The following PPP2R5D variants were observed in gnomAD, a reference collection of about 807,000 sequenced individuals.
PPP2R5D encodes the protein serine/threonine-protein phosphatase 2A 56 kDa regulatory subunit delta isoform.
In PPP2R5D, 12 loss-of-function variants were observed where a neutral mutation model predicts 79.1. The observed-to-expected ratio is 0.15, with a 90% CI of 0.10 to 0.25. The LOEUF is 0.25. Among genes scored for constraint, PPP2R5D ranks in the 10% least tolerant of loss-of-function variants. The pLI, the probability that PPP2R5D is intolerant of heterozygous loss-of-function variation, is 1.00. For synonymous variants in PPP2R5D, 277 were observed against 286.6 expected (o/e 0.97, Z 0.34); for missense variants, 419 against 760.2 (o/e 0.55, Z 5.28).
At chr6:42,995,952 C>T (rs1468878474) in intron 2 of PPP2R5D, among the ~76,000 whole-genome samples, 1 of 151,118 alleles carries the variant, frequency 6.6e-6, no homozygotes, top group African/African-American at 2.4e-5. Flanking sequence ...GCTCCGCCCC[C>T]CGGGGTTCAC....
At chr6:42,988,264 G>A (rs1771002760) in intron 1 of PPP2R5D, among the ~76,000 whole-genome samples, 1 of 152,210 alleles carries the variant, frequency 6.6e-6, no homozygotes, top group Admixed American at 6.5e-5. Flanking sequence ...AGAGCTGGAA[G>A]TGATTTCCAA....
Position 43,006,752 on chromosome 6 carries a change from T to G in PPP2R5D, c.322+73T>G. The G allele has an allele frequency of 1.3e-6, 2 of 1,583,432 alleles. No individual in the cohort carries two copies. Among genetic ancestry groups the G allele is most frequent in the East Asian group, 4.5e-5 (2 of 44,478 alleles). ...ATCGGGAGTTGGTGGAATGGAAGTT[T>G]TGGGGTATTTTGCGGGGAAGGGAGT... On this transcript the variant is annotated intron_variant, in intron 3 of 15. Transcript: ENST00000485511. The surrounding 1 kb of genome is among the most constrained non-coding windows in gnomAD (Gnocchi z 4.7).
In PPP2R5D at chr6:43,003,151, G is replaced by A. The variant is rs144034982; in HGVS notation, c.106-3312G>A. On this transcript the variant is annotated intron_variant, in intron 2 of 15. Transcript: ENST00000485511. ...AAGGGATAGCTTTTAGGCTGGGCAC[G>A]GTGGCTCACACCTGTAATCCCAACA... Among the ~76,000 whole-genome samples the A allele has an allele frequency of 6.9e-3, 1,052 of 152,272 alleles. 3 individuals are homozygous for A. The highest frequency in any genetic ancestry group is 0.011 in the Non-Finnish European group (770 of 68,016).
intron 2 of PPP2R5D, among the ~76,000 whole-genome samples, chr6:42,995,632 A>C (rs1414404449): frequency 6.6e-6 from 1 of 151,088 alleles, no homozygotes; most frequent in African/African-American, 2.4e-5. Flanking sequence ...AGCTCACTGC[A>C]ACCCCTGCCT....
chr6:42,998,880 C>G (rs1024410530), intron 2 of PPP2R5D, among the ~76,000 whole-genome samples: 1 of 152,032 alleles, frequency 6.6e-6, no homozygotes, highest in African/African-American at 2.4e-5. Context: ...ACTGAAAATA[C>G]AAAAATTAGC....
At chr6:43,001,203 G>A (rs556272051) in intron 2 of PPP2R5D, among the ~76,000 whole-genome samples, 1 of 152,304 alleles carries the variant, frequency 6.6e-6, no homozygotes, top group Admixed American at 6.5e-5. Flanking sequence ...TACCTAGGGT[G>A]GAGTGCAATG....
chr6:43,008,027 G>C lies in PPP2R5D; in HGVS notation c.819G>C (p.Arg273=). 1 of 1,614,186 alleles carries C rather than the reference G, an allele frequency of 6.2e-7. No individual in the cohort carries two copies. Among genetic ancestry groups the C allele is most frequent in the Non-Finnish European group, 8.5e-7 (1 of 1,180,036 alleles). Residue 273 remains arginine, a synonymous_variant, in exon 7 of 16, where the codon CGG becomes CGC. Coordinates refer to ENST00000485511, the MANE Select transcript of PPP2R5D (RefSeq NM_006245.4). This position sits in a 1 kb window ranked among gnomAD's most constrained non-coding sequence, Gnocchi z 4.2. ...HRIYGKFLGL[R]AYIRRQINHI... is the part of the protein sequence containing the mutation. Reference sequence around the variant, plus strand: ...TCTATGGCAAGTTTTTGGGGCTCCGGGCTTATATCCGTAGGCAGATCAACC... The same window carrying C: ...TCTATGGCAAGTTTTTGGGGCTCCGCGCTTATATCCGTAGGCAGATCAACC...
intron 1 of PPP2R5D, among the ~76,000 whole-genome samples, chr6:42,987,138 G>T (rs73733781): frequency 0.029 from 4,457 of 152,234 alleles, 133 homozygotes; most frequent in African/African-American, 0.073. Flanking sequence ...TTCTGGATTT[G>T]CAGAACACTT....
chr6:42,997,602 C>T (rs1163749816), intron 2 of PPP2R5D, among the ~76,000 whole-genome samples: 5 of 152,160 alleles, frequency 3.3e-5, no homozygotes, highest in African/African-American at 7.2e-5. Flanking sequence ...ATCTACCTCC[C>T]GGGTTCAAGC....
In PPP2R5D at chr6:43,009,040, C is replaced by T. The variant is rs367903731; in HGVS notation, c.1081-17C>T. 3 of 1,611,394 alleles carry T rather than the reference C, an allele frequency of 1.9e-6. No homozygotes were observed. The highest frequency in any genetic ancestry group is 2.2e-5 in the East Asian group (1 of 44,878). On this transcript the variant is annotated splice_polypyrimidine_tract_variant and intron_variant, in intron 10 of 15. Coordinates refer to ENST00000485511, the MANE Select transcript of PPP2R5D (RefSeq NM_006245.4). The surrounding 1 kb of genome is among the most constrained non-coding windows in gnomAD (Gnocchi z 5.6). ...GGTGCAAAGAATTTTCATCCCCATG[C>T]CCTCCTTGTCTCCCAGGTAATTGTG...
intron 2 of PPP2R5D, among the ~76,000 whole-genome samples, chr6:42,997,603 G>T (rs1003143335): frequency 2.6e-5 from 4 of 151,930 alleles, no homozygotes; most frequent in African/African-American, 7.2e-5. Context: ...TCTACCTCCC[G>T]GGTTCAAGCA....
chr6:42,990,142 T>C (rs1771157101), intron 2 of PPP2R5D, among the ~76,000 whole-genome samples: 2 of 152,126 alleles, frequency 1.3e-5, no homozygotes, highest in Non-Finnish European at 2.9e-5. Context: ...AATGGCAGCA[T>C]GACTAAAAGA....
chr6:42,987,747 G>A (rs1770959914), intron 1 of PPP2R5D, among the ~76,000 whole-genome samples: 1 of 152,226 alleles, frequency 6.6e-6, no homozygotes, highest in South Asian at 2.1e-4. Context: ...CACACACTAA[G>A]GCAGCTGGAT....
chr6:43,006,808 A>G lies in PPP2R5D; in HGVS notation c.323-103A>G, dbSNP rs929885526. The G allele has an allele frequency of 5.7e-6, 9 of 1,573,728 alleles. No individual in the cohort carries two copies. In the South Asian group the frequency reaches 6.8e-5, roughly 12 times the overall value. On this transcript the variant is annotated intron_variant, in intron 3 of 15. Coordinates refer to ENST00000485511, the MANE Select transcript of PPP2R5D (RefSeq NM_006245.4). The surrounding 1 kb of genome is among the most constrained non-coding windows in gnomAD (Gnocchi z 4.7). ...AGAATGCGGGAAGGGGGTGCCAGGG[A>G]GCAGGATGGTGGCAGGGTGGGGTAA...
chr6:43,007,643 AAAAAC>A lies in PPP2R5D; in HGVS notation c.726+153_726+157del, dbSNP rs1206202430. On this transcript the variant is annotated intron_variant, in intron 6 of 15. Transcript: ENST00000485511. The surrounding 1 kb of genome is among the most constrained non-coding windows in gnomAD (Gnocchi z 4.5). ...TGGTACGAGGAGGCTATAAAGGGTA[AAAAAC>A]AAAACAAAACAAAACCCTACTCTGG... The A allele has an allele frequency of 4.1e-6, 4 of 966,448 alleles. No homozygotes were observed. The highest frequency in any genetic ancestry group is 6.2e-6 in the Non-Finnish European group (4 of 642,826). The allele number at this position is 966,448 out of a possible 1,614,324, so 59.9% of individuals were successfully genotyped here.
At chr6:43,000,670 G>A (rs2150268601) in intron 2 of PPP2R5D, among the ~76,000 whole-genome samples, 1 of 152,322 alleles carries the variant, frequency 6.6e-6, no homozygotes, top group South Asian at 2.1e-4. Context: ...CTGGAAGGAT[G>A]GAGTCTTGTT....
chr6:42,993,248 T>C (rs1385030485), intron 2 of PPP2R5D, among the ~76,000 whole-genome samples: 1 of 147,328 alleles, frequency 6.8e-6, no homozygotes, highest in African/African-American at 2.5e-5. Context: ...AGTGAGCCGA[T>C]ATTGCACCAT....
rs1252019252 is a variant in PPP2R5D, at chr6:43,009,273, G to A, written c.1251+46G>A. 3 of 1,613,888 alleles carry A rather than the reference G, an allele frequency of 1.9e-6. No homozygotes were observed. The South Asian group carries it at 3.3e-5, about 18-fold the overall frequency. On this transcript the variant is annotated intron_variant, in intron 11 of 15. Transcript: ENST00000485511. The surrounding 1 kb of genome is among the most constrained non-coding windows in gnomAD (Gnocchi z 5.6). ...ATCCTAGCCCCTGCCAGAAACTGAG[G>A]TCTTGAGTGAAATGAGCAGCACCCA...
chr6:43,008,098 CCTT>C lies in PPP2R5D; in HGVS notation c.857+36_857+38del, dbSNP rs56682502. 1,392 of 1,613,848 alleles carry C rather than the reference CCTT, an allele frequency of 8.6e-4. 6 individuals are homozygous for C. In the African/African-American group the frequency reaches 0.016, roughly 19 times the overall value. On this transcript the variant is annotated intron_variant, in intron 7 of 15. Transcript: ENST00000485511. The surrounding 1 kb of genome is among the most constrained non-coding windows in gnomAD (Gnocchi z 4.2). ...CAGGAGCCCAGGCTTAGGAGCAAAA[CCTT>C]CTGCTACTGAGGTGGGGTGGGAGCA...
Sources: gnomAD v4.1 joint callset for allele counts (sites outside exome capture counted in the v4.1 genomes callset) on GRCh38, gnomAD v4.1.1 for gene constraint, Gnocchi (gnomAD v3.1) non-coding constraint, MANE v1.5 for transcripts, NCBI Gene and HGNC (gene_info 2026-07-23, HGNC 2026-07-21) for gene names.